Variants in LAMA2 observed in about 807,000 individuals in gnomAD.
LAMA2 encodes laminin subunit alpha-2.
A neutral mutation model predicts 364.8 loss-of-function variants in LAMA2; 269 were observed. The ratio of observed to expected loss-of-function variants is 0.74; its 90% CI spans 0.67 to 0.82. The LOEUF is 0.82. Ranked by LOEUF, LAMA2 falls within the 40% of genes least tolerant of loss-of-function variation. LAMA2 has a pLI of 0.00. For missense variants in LAMA2, 3,807 were observed against 3,873.2 expected, an observed-to-expected ratio of 0.98 and a Z score of 0.45; for synonymous variants, 1,379 against 1,370.6, an observed-to-expected ratio of 1.01 and a Z score of -0.14.
rs1441553204 is a variant in LAMA2 at position 129,464,292 on chromosome 6, C to T, written c.6995C>T (p.Pro2332Leu). ...EGDCKGCTVS[P>L]QVEDSEGTIQ... ...ATGTGAAATGTCTCTCTTCTCAGTC[C>T]TCAGGTGGAAGATAGTGAGGGGACT... Residue 2332 changes from proline (P) to leucine (L), a missense_variant and splice_region_variant, in exon 50 of 65, where the codon CCT becomes CTT. Coordinates refer to ENST00000421865, the MANE Select transcript of LAMA2 (RefSeq NM_000426.4). 18 of 1,611,186 alleles carry T rather than the reference C, an allele frequency of 1.1e-5. No individual in the cohort carries two copies. The highest frequency in any genetic ancestry group is 1.4e-5 in the Non-Finnish European group (17 of 1,177,866).
Position 129,116,793 on chromosome 6 carries a change from C to G in LAMA2, c.639+18378C>G, listed in dbSNP as rs141655130. ...GACTTGCAGGTTGTCTGGTTTTTTA[C>G]TATTTTTCTTATCCATAGCAAGGTT... is the stretch of plus-strand genomic sequence containing the variant. On this transcript the variant is annotated intron_variant, in intron 4 of 64. Coordinates refer to ENST00000421865, the MANE Select transcript of LAMA2 (RefSeq NM_000426.4). 8.2e-3 allele frequency among the ~76,000 whole-genome samples: 1,251 copies of G among 151,988 alleles called. 4 individuals carry two copies. Among genetic ancestry groups the G allele is most frequent in the Non-Finnish European group, 0.012 (804 of 67,950 alleles).
intron 2 of LAMA2, among the ~76,000 whole-genome samples, chr6:129,057,686 G>C (rs563172561): frequency 3.9e-5 from 6 of 152,220 alleles, no homozygotes; most frequent in African/African-American, 1.4e-4. Flanking sequence ...GGTCAGTTAC[G>C]TACTAAGTGG....
At chr6:129,397,231 C>T (rs1011752511) in intron 37 of LAMA2, among the ~76,000 whole-genome samples, 7 of 152,114 alleles carry the variant, frequency 4.6e-5, no homozygotes, top group African/African-American at 1.4e-4. Context: ...TTATGCCATA[C>T]TTTTTGTAGA....
chr6:129,253,041 T>G (rs1489831171), intron 14 of LAMA2, among the ~76,000 whole-genome samples: 2 of 152,106 alleles, frequency 1.3e-5, no homozygotes, highest in Admixed American at 6.5e-5. Flanking sequence ...CCCCGCCCCC[T>G]TTTTTTAAAA....
intron 1 of LAMA2, among the ~76,000 whole-genome samples, chr6:129,034,777 A>T (rs983714279): frequency 6.6e-6 from 1 of 152,156 alleles, no homozygotes; most frequent in Non-Finnish European, 1.5e-5. Context: ...CTCCAGCTCC[A>T]TCCATGTTGC....
chr6:129,221,392 C>A (rs1583281293), intron 12 of LAMA2, among the ~76,000 whole-genome samples: 1 of 139,954 alleles, frequency 7.1e-6, no homozygotes, highest in African/African-American at 2.8e-5. Flanking sequence ...GGCCAAACTG[C>A]CTGATAGACC....
In LAMA2 at chr6:129,154,617, T is replaced by C. The variant is rs756132239; in HGVS notation, c.1140T>C (p.Asn380=). 8.7e-6 allele frequency: 14 copies of C among 1,613,984 alleles called. No homozygotes were observed. The highest frequency in any genetic ancestry group is 1.7e-5 in the Admixed American group (1 of 60,006). The change falls in exon 8 of 65, where the codon AAT becomes AAC. Residue 380 remains asparagine (N), a synonymous_variant. Transcript: ENST00000421865. Reference sequence around the variant, plus strand: ...ACATTGGAGGGGGTGTCTGCATTAATTGTACCCAAAACACTGCTGGTATAA... The same window carrying C: ...ACATTGGAGGGGGTGTCTGCATTAACTGTACCCAAAACACTGCTGGTATAA... The part of the protein sequence containing the change: ...GKYIGGGVCI[N]CTQNTAGINC...
chr6:129,357,259 T>C (rs946808679), intron 32 of LAMA2, among the ~76,000 whole-genome samples: 6 of 152,064 alleles, frequency 3.9e-5, no homozygotes, highest in African/African-American at 1.4e-4. Context: ...TAAACTCATA[T>C]CATTAACACA....
intron 18 of LAMA2, among the ~76,000 whole-genome samples, chr6:129,282,586 T>C (rs1004621945): frequency 6.6e-6 from 1 of 152,138 alleles, no homozygotes; most frequent in African/African-American, 2.4e-5. Flanking sequence ...GGACATGTGA[T>C]AGGGCCAGCC....
chr6:129,019,560 T>C (rs188729786), intron 1 of LAMA2, among the ~76,000 whole-genome samples: 52 of 152,226 alleles, frequency 3.4e-4, no homozygotes, highest in African/African-American at 9.1e-4. Context: ...AATATTATTC[T>C]ATTTTTCTTC....
intron 18 of LAMA2, among the ~76,000 whole-genome samples, chr6:129,284,300 A>G (rs1002619771): frequency 1.3e-5 from 2 of 151,990 alleles, no homozygotes; most frequent in African/African-American, 4.8e-5. Flanking sequence ...AGACTAACTA[A>G]TCCCTGTTCA....
chr6:129,158,694 A>G, intron 8 of LAMA2: 1 of 1,614,148 alleles, frequency 6.2e-7, no homozygotes, highest in East Asian at 2.2e-5. Flanking sequence ...AAACGGACCT[A>G]TGACAACAGG....
At chr6:128,891,810 T>G (rs2114386214) in intron 1 of LAMA2, among the ~76,000 whole-genome samples, 1 of 152,176 alleles carries the variant, frequency 6.6e-6, no homozygotes, top group Non-Finnish European at 1.5e-5. Flanking sequence ...ACTTTATAGC[T>G]TAGCCTACAA....
chr6:129,303,533 T>A (rs999175319), intron 22 of LAMA2, among the ~76,000 whole-genome samples: 1 of 152,214 alleles, frequency 6.6e-6, no homozygotes, highest in Non-Finnish European at 1.5e-5. Context: ...TTGAAAATGA[T>A]GTTGGCTATA....
At position 129,388,677 on chromosome 6, in the gene LAMA2, G is replaced by A. The variant is rs181516263; in HGVS notation, c.5072-2814G>A. 5.9e-3 allele frequency among the ~76,000 whole-genome samples: 901 copies of A among 151,444 alleles called. 11 individuals are homozygous for A. The highest frequency in any genetic ancestry group is 0.021 in the African/African-American group (876 of 41,294). On this transcript the variant is annotated intron_variant, in intron 35 of 64. Transcript: ENST00000421865. ...TTCTTATGAAAGCTGATTTATACAC[G>A]CACACACACACACGCGCGCACACAC...
intron 1 of LAMA2, chr6:128,929,212 C>A: frequency 1.3e-6 from 2 of 1,491,142 alleles, no homozygotes; most frequent in Non-Finnish European, 1.9e-6. Context: ...CCACCCAGCG[C>A]CTTCTGAGCT....
chr6:129,313,367 T>TA (rs1774353717), intron 23 of LAMA2, among the ~76,000 whole-genome samples: 1 of 152,300 alleles, frequency 6.6e-6, no homozygotes, highest in African/African-American at 2.4e-5. Context: ...AGTGATTTTT[T>TA]AAAAAATATA....
intron 32 of LAMA2, among the ~76,000 whole-genome samples, chr6:129,358,198 C>T (rs1466128637): frequency 6.6e-6 from 1 of 151,864 alleles, no homozygotes; most frequent in Admixed American, 6.6e-5. Flanking sequence ...TGTTGTCAAC[C>T]TTAGCATTGG....
At chr6:129,259,993 T>C (rs547277459) in intron 14 of LAMA2, among the ~76,000 whole-genome samples, 9 of 152,264 alleles carry the variant, frequency 5.9e-5, no homozygotes, top group Admixed American at 1.3e-4. Flanking sequence ...AAAAGAAATA[T>C]GTGTGTGACA....
Sources: gnomAD v4.1 joint callset for allele counts (sites outside exome capture counted in the v4.1 genomes callset) on GRCh38, gnomAD v4.1.1 for gene constraint, MANE v1.5 for transcripts, NCBI Gene and HGNC (gene_info 2026-07-23, HGNC 2026-07-21) for gene names.